FAT4: variants seen among roughly 807,000 people sequenced by gnomAD.
FAT4 encodes the protein protocadherin Fat 4.
FAT4 carries 84 observed loss-of-function variants against 303.9 expected under a neutral mutation model. The observed-to-expected ratio is 0.28, with a 90% CI of 0.23 to 0.33. The LOEUF (loss-of-function observed/expected upper bound fraction) is 0.33, where lower values mean the gene tolerates loss of function less well. FAT4 is among the 10% of genes least tolerant of loss of function. The probability of loss-of-function intolerance (pLI) is 1.00; values close to 1 mark genes in which losing one functional copy is unlikely to be tolerated. For missense variants in FAT4, 6,005 were observed against 6,146.8 expected (o/e 0.98, Z 0.77); for synonymous variants, 2,307 against 2,298.8 (o/e 1.00, Z -0.10).
Position 125,448,574 on chromosome 4 carries a change from G to T in FAT4, c.7564G>T (p.Gly2522Ter). 6.2e-7 allele frequency: 1 copy of T among 1,613,880 alleles called. No homozygotes were observed. The highest frequency in any genetic ancestry group is 8.5e-7 in the Non-Finnish European group (1 of 1,179,886). Reference sequence around the variant, plus strand: ...AAAATTTCACATTGACCCACTGAGGGGAGCCATTATGGCCGCCGGACCACT... The same window carrying T: ...AAAATTTCACATTGACCCACTGAGGTGAGCCATTATGGCCGCCGGACCACT... ...SEKFHIDPLR[G>*]AIMAAGPLNG... The change falls in exon 10 of 18, where the codon GGA becomes TGA. Residue 2522 changes from glycine to a stop codon, truncating the protein, a stop_gained. Coordinates refer to ENST00000394329, the MANE Select transcript of FAT4 (RefSeq NM_001291303.3). LOFTEE classifies it high-confidence loss of function.
chr4:125,385,017 TATATATA>T (rs1490324092), intron 2 of FAT4, among the ~76,000 whole-genome samples: 4 of 65,938 alleles, frequency 6.1e-5, no homozygotes, highest in African/African-American at 1.8e-4. Context: ...TATATATATA[TATATATA>T]TTTTTTTTTT....
chr4:125,422,665 GGTAT>G (rs1246216847), intron 7 of FAT4, among the ~76,000 whole-genome samples: 1 of 152,064 alleles, frequency 6.6e-6, no homozygotes, highest in Non-Finnish European at 1.5e-5. Flanking sequence ...CCCAGTCTTG[GGTAT>G]GTCTTTATTA....
intron 10 of FAT4, among the ~76,000 whole-genome samples, chr4:125,454,880 T>C (rs1032182517): frequency 2.6e-5 from 4 of 152,182 alleles, no homozygotes; most frequent in Non-Finnish European, 5.9e-5. Flanking sequence ...CAGTATTCAG[T>C]AATTGCAGTC....
At chr4:125,344,069 G>C (rs1560770192) in intron 2 of FAT4, among the ~76,000 whole-genome samples, 1 of 151,996 alleles carries the variant, frequency 6.6e-6, no homozygotes. Context: ...TGAAGTTGTG[G>C]GAACATCTTA....
chr4:125,319,423 C>T lies in FAT4; in HGVS notation c.3012C>T (p.Thr1004=). Residue 1004 remains threonine, a synonymous_variant, in exon 2 of 18, where the codon ACC becomes ACT. Transcript: ENST00000394329. The stretch of plus-strand genomic sequence containing the variant: ...TTGACCAACTCTCTTATGAAGTCAC[C>T]CTTTCTGAGTCAGAACCTGTGAATT... ...PVFDQLSYEV[T]LSESEPVNSR... The T allele has an allele frequency of 1.2e-6, 2 of 1,613,602 alleles. No individual in the cohort carries two copies. The highest frequency in any genetic ancestry group is 1.7e-6 in the Non-Finnish European group (2 of 1,179,864).
intron 2 of FAT4, among the ~76,000 whole-genome samples, chr4:125,398,496 G>A (rs923904665): frequency 1.2e-4 from 19 of 152,094 alleles, no homozygotes; most frequent in Admixed American, 8.5e-4. Context: ...CAAATCTGGG[G>A]ATTAAAATGA....
chr4:125,334,489 C>T (rs1197654901), intron 2 of FAT4, among the ~76,000 whole-genome samples: 1 of 152,068 alleles, frequency 6.6e-6, no homozygotes, highest in Admixed American at 6.6e-5. Context: ...CTATCAGGTG[C>T]TAATGGCATT....
chr4:125,470,213 C>T (rs111766059), intron 12 of FAT4, among the ~76,000 whole-genome samples: 3,473 of 152,256 alleles, frequency 0.023, 137 homozygotes, highest in African/African-American at 0.081. Flanking sequence ...TAAACAGATG[C>T]ACTGTCATCC....
At chr4:125,369,551 T>A (rs1733023868) in intron 2 of FAT4, among the ~76,000 whole-genome samples, 1 of 152,260 alleles carries the variant, frequency 6.6e-6, no homozygotes, top group African/African-American at 2.4e-5. Flanking sequence ...TCATTCATTC[T>A]GTTGTTTAAT....
chr4:125,483,429 T>C (rs948441962), intron 16 of FAT4, among the ~76,000 whole-genome samples: 1 of 152,200 alleles, frequency 6.6e-6, no homozygotes, highest in African/African-American at 2.4e-5. Context: ...TATGAAATAT[T>C]TCTGTACTAA....
In FAT4 at chr4:125,422,575, C is replaced by T. The variant is rs139251212; in HGVS notation, c.7018+5953C>T. 1.7e-3 allele frequency among the ~76,000 whole-genome samples: 253 copies of T among 152,256 alleles called. 2 individuals carry two copies. The highest frequency in any genetic ancestry group is 5.3e-3 in the African/African-American group (219 of 41,542). On this transcript the variant is annotated intron_variant, in intron 7 of 17. Coordinates refer to ENST00000394329, the MANE Select transcript of FAT4 (RefSeq NM_001291303.3). ...AGAAAGACGTGATTGCTTCCCCCTCCGCTGTGATTGTAAGTTTCTTGAGGC... is the reference window on the plus strand; with the variant it reads ...AGAAAGACGTGATTGCTTCCCCCTCTGCTGTGATTGTAAGTTTCTTGAGGC...
chr4:125,369,245 T>G (rs994188982), intron 2 of FAT4, among the ~76,000 whole-genome samples: 1 of 152,172 alleles, frequency 6.6e-6, no homozygotes, highest in Non-Finnish European at 1.5e-5. Flanking sequence ...ATGTGTTAAA[T>G]CTTATCAACC....
chr4:125,331,855 G>T (rs889746971), intron 2 of FAT4, among the ~76,000 whole-genome samples: 1 of 151,850 alleles, frequency 6.6e-6, no homozygotes, highest in African/African-American at 2.4e-5. Context: ...ATTTTAACAC[G>T]CAGCAAAGAA....
rs371821589 is a variant in FAT4, at chr4:125,320,491, C to T, written c.4080C>T (p.His1360=). The change falls in exon 2 of 18, where the codon CAC becomes CAT. Residue 1360 remains histidine, a synonymous_variant. Coordinates refer to ENST00000394329, the MANE Select transcript of FAT4 (RefSeq NM_001291303.3). ...ACAGTATTACTGGGACTAACAACCA[C>T]GGAACTTTTAGCATTAGCCCAAACA... ...LYYSITGTNN[H]GTFSISPNTG... 4.5e-5 allele frequency: 72 copies of T among 1,613,972 alleles called. No individual in the cohort carries two copies. The highest frequency in any genetic ancestry group is 2.9e-4 in the African/African-American group (22 of 74,920).
chr4:125,393,851 A>T, intron 2 of FAT4: 1 of 694,948 alleles, frequency 1.4e-6, no homozygotes, highest in Non-Finnish European at 2.7e-6. Context: ...TTTGTCTCTA[A>T]ATAAAATTAT....
chr4:125,421,361 A>C (rs1010414256), intron 7 of FAT4, among the ~76,000 whole-genome samples: 3 of 152,020 alleles, frequency 2.0e-5, no homozygotes, highest in African/African-American at 7.3e-5. Flanking sequence ...AGGGCCCATC[A>C]TTTCACACCA....
In FAT4 at chr4:125,434,414, T is replaced by C; in HGVS notation, c.7188T>C (p.Asn2396=). The C allele has an allele frequency of 6.2e-7, 1 of 1,614,018 alleles. No homozygotes were observed. Among genetic ancestry groups the C allele is most frequent in the Non-Finnish European group, 8.5e-7 (1 of 1,179,932 alleles). The change falls in exon 8 of 18, where the codon AAT becomes AAC. Residue 2396 remains asparagine (N), a synonymous_variant. Coordinates refer to ENST00000394329, the MANE Select transcript of FAT4 (RefSeq NM_001291303.3). The part of the protein sequence containing the change: ...VNASDADASK[N]AVISYRIIGG... ...CCTCAGATGCTGATGCTTCAAAGAA[T>C]GCAGTTATAAGGTCAGTACATTTTC...
chr4:125,452,492 G>T lies in FAT4; in HGVS notation c.11482G>T (p.Val3828Leu), dbSNP rs773534151. Residue 3828 changes from valine (V) to leucine (L), a missense_variant, in exon 10 of 18, where the codon GTA (valine) becomes TTA (leucine). Physicochemically the swap from Val to Leu is conservative, Grantham distance 32. Transcript: ENST00000394329. Reference protein sequence around the residue: ...SCLRRLAVSSVLKSRESLPVI... With the variant: ...SCLRRLAVSSLLKSRESLPVI... ...TCTACGAAGATTGGCTGTGAGCTCCGTATTAAAAAGCCGTGAGAGTCTTCC... is the reference window on the plus strand; with the variant it reads ...TCTACGAAGATTGGCTGTGAGCTCCTTATTAAAAAGCCGTGAGAGTCTTCC... 1 of 1,613,880 alleles carries T rather than the reference G, an allele frequency of 6.2e-7. No homozygotes were observed. The highest frequency in any genetic ancestry group is 8.5e-7 in the Non-Finnish European group (1 of 1,180,014).
intron 2 of FAT4, among the ~76,000 whole-genome samples, chr4:125,349,118 C>T (rs1302296834): frequency 6.6e-6 from 1 of 151,668 alleles, no homozygotes; most frequent in Non-Finnish European, 1.5e-5. Flanking sequence ...AAAATTAGGA[C>T]TCTTAAGTCT....
Sources: allele counts gnomAD v4.1 joint callset (sites outside exome capture counted in the v4.1 genomes callset), GRCh38; gene constraint gnomAD v4.1.1; transcripts MANE v1.5; gene names NCBI Gene and HGNC (gene_info 2026-07-23, HGNC 2026-07-21).